VIT: variants seen among roughly 807,000 people sequenced by gnomAD.
VIT encodes the protein vitrin.
Under a neutral mutation model 78.0 loss-of-function variants are expected in VIT, and 99 were observed. The observed-to-expected ratio is 1.27, with a 90% CI of 1.08 to 1.50. The LOEUF (loss-of-function observed/expected upper bound fraction) is 1.50, where lower values mean the gene tolerates loss of function less well. Ranked by LOEUF, VIT falls within the 40% of genes most tolerant of loss-of-function variation. The pLI, the probability that VIT is intolerant of heterozygous loss-of-function variation, is 0.00. For synonymous variants in VIT, 374 were observed against 334.3 expected (o/e 1.12, Z -1.29); for missense variants, 1,126 against 875.3 (o/e 1.29, Z -3.61).
At chr2:36,755,908 C>G (rs1372386345) in intron 5 of VIT, among the ~76,000 whole-genome samples, 2 of 150,030 alleles carry the variant, frequency 1.3e-5, no homozygotes, top group Non-Finnish European at 2.9e-5. Flanking sequence ...AGTGGGAGCC[C>G]TTCAAGCTTT....
chr2:36,769,276 G>A (rs2148590428), intron 7 of VIT, among the ~76,000 whole-genome samples: 1 of 152,294 alleles, frequency 6.6e-6, no homozygotes, highest in South Asian at 2.1e-4. Context: ...AATTAAACAT[G>A]TGGCATATTT....
chr2:36,704,607 ACT>A (rs1226337304), intron 1 of VIT, among the ~76,000 whole-genome samples: 9 of 151,806 alleles, frequency 5.9e-5, no homozygotes, highest in African/African-American at 2.2e-4. Context: ...CTTCTAAATG[ACT>A]CTGTTTCTAC....
chr2:36,813,661 C>A (rs1266349314), intron 15 of VIT, among the ~76,000 whole-genome samples: 1 of 152,164 alleles, frequency 6.6e-6, no homozygotes, highest in Admixed American at 6.5e-5. Flanking sequence ...TGTAAAGTCA[C>A]CCTCAAGCCT....
intron 7 of VIT, among the ~76,000 whole-genome samples, chr2:36,771,174 G>A (rs1220887271): frequency 6.6e-6 from 1 of 152,122 alleles, no homozygotes; most frequent in Admixed American, 6.5e-5. Flanking sequence ...ATGGGGAAAG[G>A]CCATAACCAG....
At chr2:36,745,046 A>G (rs1668055418) in intron 4 of VIT, among the ~76,000 whole-genome samples, 1 of 152,038 alleles carries the variant, frequency 6.6e-6, no homozygotes, top group African/African-American at 2.4e-5. Context: ...ATAGCCAGTT[A>G]TCCCCAGCAC....
At chr2:36,708,883 C>T (rs186676736) in intron 1 of VIT, among the ~76,000 whole-genome samples, 4 of 152,318 alleles carry the variant, frequency 2.6e-5, no homozygotes, top group Admixed American at 2.6e-4. Context: ...GGCACAATGA[C>T]TCACACCTGT....
chr2:36,779,005 G>A (rs1407439737), intron 9 of VIT, among the ~76,000 whole-genome samples: 1 of 152,200 alleles, frequency 6.6e-6, no homozygotes, highest in Non-Finnish European at 1.5e-5. Flanking sequence ...TCCCGTGTTG[G>A]TGACTTCTAG....
chr2:36,758,083 G>A (rs775328844), intron 5 of VIT, among the ~76,000 whole-genome samples: 2 of 152,202 alleles, frequency 1.3e-5, no homozygotes, highest in Non-Finnish European at 2.9e-5. Flanking sequence ...CCAGATGGGA[G>A]AAGAAATGCT....
At position 36,754,889 on chromosome 2, in the gene VIT, C is replaced by T. The variant is rs200419568; in HGVS notation, c.276-32C>T. On this transcript the variant is annotated intron_variant, in intron 4 of 15. Transcript: ENST00000379242. ...GATCACGTCAAAAAATATTTCTGTT[C>T]TTTCCTGAAAAATTATTTTTTCTCT... 8.2e-4 allele frequency: 1,309 copies of T among 1,599,322 alleles called. 26 individuals carry two copies. In the South Asian group the frequency reaches 0.014, roughly 17 times the overall value.
At chr2:36,763,919 A>G (rs1441870091) in intron 6 of VIT, among the ~76,000 whole-genome samples, 3 of 152,182 alleles carry the variant, frequency 2.0e-5, no homozygotes, top group African/African-American at 7.2e-5. Context: ...AGAGCAGGCA[A>G]AAACAACAGC....
Position 36,814,581 on chromosome 2 carries a change from A to T in VIT, c.*220A>T. On this transcript the variant is annotated 3_prime_UTR_variant, in exon 16 of 16. Coordinates refer to ENST00000379242, the MANE Select transcript of VIT (RefSeq NM_053276.4). ...ATAGAATGAGCCAAAAGGCTACATC[A>T]TGTTGAGGGTGCTGGAGATTTTACA... 2 of 547,328 alleles carry T rather than the reference A, an allele frequency of 3.7e-6. No individual in the cohort carries two copies. Among genetic ancestry groups the T allele is most frequent in the East Asian group, 3.0e-5 (1 of 33,030 alleles). 33.9% of individuals were successfully genotyped at this position (547,328 alleles called of 1,614,324 possible).
At chr2:36,811,150 C>G (rs1279567265) in intron 15 of VIT, among the ~76,000 whole-genome samples, 3 of 152,194 alleles carry the variant, frequency 2.0e-5, no homozygotes, top group South Asian at 2.1e-4. Flanking sequence ...TGGTGGCCTG[C>G]ATGCCAACAA....
chr2:36,762,807 A>G (rs1270011658), intron 6 of VIT, among the ~76,000 whole-genome samples: 1 of 152,104 alleles, frequency 6.6e-6, no homozygotes, highest in Non-Finnish European at 1.5e-5. Context: ...ACCATGGGAA[A>G]TTATCCCCCT....
chr2:36,776,810 G>T (rs1391957303), intron 9 of VIT, among the ~76,000 whole-genome samples: 2 of 150,646 alleles, frequency 1.3e-5, no homozygotes, highest in Non-Finnish European at 3.0e-5. Context: ...AAATAAAATG[G>T]CCTGGCGCGG....
chr2:36,712,641 G>A (rs1665875898), intron 1 of VIT, among the ~76,000 whole-genome samples: 1 of 152,232 alleles, frequency 6.6e-6, no homozygotes, highest in Non-Finnish European at 1.5e-5. Context: ...TTCCAGACCG[G>A]CCTGGCCAAC....
rs890901236 is a variant in VIT at position 36,801,153 on chromosome 2, C to A, written c.1059-148C>A. ...AATAGCCTCCTTTTCTCTACACACA[C>A]CAGTCCACAATGGGACATTTTACAA... On this transcript the variant is annotated intron_variant, in intron 12 of 15. Transcript: ENST00000379242. 6.8e-6 allele frequency: 5 copies of A among 731,220 alleles called. No homozygotes were observed. The African/African-American group carries it at 8.8e-5, about 13-fold the overall frequency. The allele number at this position is 731,220 out of a possible 1,614,324, so 45.3% of individuals were successfully genotyped here. A position where few individuals can be genotyped will look rare whatever the true frequency, so the allele number is the denominator to read the frequency against.
intron 1 of VIT, among the ~76,000 whole-genome samples, chr2:36,709,722 A>G (rs1455508358): frequency 1.3e-5 from 2 of 152,212 alleles, no homozygotes; most frequent in East Asian, 1.9e-4. Context: ...ATGTGAGCCA[A>G]GGTACTGACA....
chr2:36,744,362 T>A (rs1345722781), intron 4 of VIT, among the ~76,000 whole-genome samples: 1 of 152,162 alleles, frequency 6.6e-6, no homozygotes, highest in African/African-American at 2.4e-5. Flanking sequence ...GGATTGCTGG[T>A]CAAATGGTTG....
At chr2:36,777,259 A>G (rs1363816411) in intron 9 of VIT, among the ~76,000 whole-genome samples, 2 of 151,676 alleles carry the variant, frequency 1.3e-5, no homozygotes, top group East Asian at 1.9e-4. Flanking sequence ...GGGGTCTTTG[A>G]CAATTTCTGA....
Sources: allele counts gnomAD v4.1 joint callset (sites outside exome capture counted in the v4.1 genomes callset), GRCh38; gene constraint gnomAD v4.1.1; transcripts MANE v1.5; gene names NCBI Gene and HGNC (gene_info 2026-07-23, HGNC 2026-07-21).